The following NRXN1 variants were observed in gnomAD, a reference collection of about 807,000 sequenced individuals.
NRXN1 encodes neurexin-1.
Under a neutral mutation model 150.9 loss-of-function variants are expected in NRXN1, and 39 were observed. That is an observed-to-expected ratio of 0.26 (90% CI 0.20 to 0.34). The LOEUF (loss-of-function observed/expected upper bound fraction) is 0.34, where lower values mean the gene tolerates loss of function less well. NRXN1 is among the 10% of genes least tolerant of loss of function. The probability of loss-of-function intolerance (pLI) is 1.00; values close to 1 mark genes in which losing one functional copy is unlikely to be tolerated. For synonymous variants in NRXN1, 924 were observed against 757.0 expected (o/e 1.22, Z -3.62); for missense variants, 1,815 against 1,949.9 (o/e 0.93, Z 1.30).
chr2:50,397,869 G>C (rs758635870), intron 17 of NRXN1, among the ~76,000 whole-genome samples: 1 of 152,112 alleles, frequency 6.6e-6, no homozygotes, highest in Non-Finnish European at 1.5e-5. Context: ...TATTTAAAAA[G>C]TCACATTCTA....
chr2:50,214,489 G>C (rs1343205004), intron 18 of NRXN1, among the ~76,000 whole-genome samples: 1 of 151,880 alleles, frequency 6.6e-6, no homozygotes, highest in Non-Finnish European at 1.5e-5. Flanking sequence ...TCCAGGTAGA[G>C]ACTGATGTCA....
chr2:50,769,617 T>C (rs1702771751), intron 5 of NRXN1, among the ~76,000 whole-genome samples: 1 of 152,056 alleles, frequency 6.6e-6, no homozygotes, highest in African/African-American at 2.4e-5. Context: ...CGGGACCCGT[T>C]GCCTGGAAAC....
chr2:49,918,685 A>T lies in NRXN1; in HGVS notation c.*3259T>A, dbSNP rs1431812136. ...TAACAAAAGTACATTTAATGGCTAC[A>T]TCTTTAAGTGTATGAATATAGAGGT... On this transcript the variant is annotated 3_prime_UTR_variant, in exon 23 of 23. Transcript: ENST00000401669. 6.6e-6 allele frequency: 1 copy of T among 152,168 alleles called. No homozygotes were observed. 9.4% of individuals were successfully genotyped at this position (152,168 alleles called of 1,614,324 possible).
chr2:50,477,845 G>A (rs2090114696), intron 15 of NRXN1, among the ~76,000 whole-genome samples: 1 of 152,170 alleles, frequency 6.6e-6, no homozygotes, highest in South Asian at 2.1e-4. Context: ...ACTAGAGAAA[G>A]TGCAATTCTA....
intron 5 of NRXN1, among the ~76,000 whole-genome samples, chr2:50,895,887 G>A (rs934877748): frequency 6.6e-6 from 1 of 151,774 alleles, no homozygotes; most frequent in Non-Finnish European, 1.5e-5. Flanking sequence ...GCCTATGCAA[G>A]AAATTTTATG....
chr2:50,188,757 T>C (rs1378306784), intron 18 of NRXN1, among the ~76,000 whole-genome samples: 1 of 151,804 alleles, frequency 6.6e-6, no homozygotes, highest in Non-Finnish European at 1.5e-5. Flanking sequence ...CCAACAAACA[T>C]ATTTTAAAAA....
At chr2:50,321,299 G>A (rs899279010) in intron 17 of NRXN1, among the ~76,000 whole-genome samples, 16 of 152,152 alleles carry the variant, frequency 1.1e-4, no homozygotes, top group Non-Finnish European at 2.9e-5. Context: ...CCAACACATT[G>A]TCTGTATTCC....
chr2:50,568,929 A>G (rs1294766198), intron 8 of NRXN1, among the ~76,000 whole-genome samples: 1 of 152,146 alleles, frequency 6.6e-6, no homozygotes, highest in South Asian at 2.1e-4. Flanking sequence ...AGGAAAATGT[A>G]GTATATATAC....
intron 17 of NRXN1, among the ~76,000 whole-genome samples, chr2:50,381,500 C>T (rs867860047): frequency 6.9e-6 from 1 of 144,284 alleles, no homozygotes; most frequent in African/African-American, 2.6e-5. Context: ...AGTGAGAAGT[C>T]TAAAGGGGAC....
intron 17 of NRXN1, among the ~76,000 whole-genome samples, chr2:50,399,260 C>T (rs954997970): frequency 2.0e-5 from 3 of 152,050 alleles, no homozygotes; most frequent in African/African-American, 7.2e-5. Flanking sequence ...ATATATTTCC[C>T]ATTATTAAAC....
At chr2:50,263,499 T>C (rs190285006) in intron 17 of NRXN1, among the ~76,000 whole-genome samples, 4 of 152,168 alleles carry the variant, frequency 2.6e-5, no homozygotes, top group African/African-American at 9.6e-5. Flanking sequence ...ACAATTCTGA[T>C]TGGGATCATT....
intron 5 of NRXN1, among the ~76,000 whole-genome samples, chr2:50,667,226 C>A (rs949147213): frequency 6.6e-6 from 1 of 151,732 alleles, no homozygotes; most frequent in Non-Finnish European, 1.5e-5. Context: ...TCTGATGATG[C>A]ATCTTAATTG....
intron 5 of NRXN1, among the ~76,000 whole-genome samples, chr2:50,732,496 T>A (rs928389308): frequency 1.3e-5 from 2 of 152,156 alleles, no homozygotes; most frequent in Admixed American, 1.3e-4. Flanking sequence ...GAATGAAACA[T>A]CAGGTATTTA....
intron 19 of NRXN1, among the ~76,000 whole-genome samples, chr2:50,089,980 T>C (rs1699348009): frequency 6.6e-6 from 1 of 152,204 alleles, no homozygotes; most frequent in Non-Finnish European, 1.5e-5. Flanking sequence ...AGTGTAAAAT[T>C]GTGGTAATTC....
intron 8 of NRXN1, among the ~76,000 whole-genome samples, chr2:50,608,249 C>G (rs752362470): frequency 9.9e-5 from 15 of 152,184 alleles, no homozygotes; most frequent in Non-Finnish European, 1.9e-4. Context: ...TGCACCAATA[C>G]TGCCAATGAT....
At chr2:50,068,704 A>T (rs1394050700) in intron 19 of NRXN1, among the ~76,000 whole-genome samples, 1 of 152,206 alleles carries the variant, frequency 6.6e-6, no homozygotes, top group African/African-American at 2.4e-5. Flanking sequence ...TAGTCATGTC[A>T]TTGTTTATTC....
rs376857718 is a variant in NRXN1 at position 50,940,746 on chromosome 2, T to G, written c.773-14791A>C. 4.8e-4 allele frequency among the ~76,000 whole-genome samples: 73 copies of G among 152,314 alleles called. 2 individuals carry two copies. The South Asian group carries it at 0.011, about 22-fold the overall frequency. On this transcript the variant is annotated intron_variant, in intron 2 of 22. Transcript: ENST00000401669. The stretch of plus-strand genomic sequence containing the variant: ...AAACTGGAATTCTAAGGTTTGGTTT[T>G]GTTTTGTTTTGCTAATAGACTCCTG...
At chr2:50,211,292 CAT>C (rs2062996093) in intron 18 of NRXN1, among the ~76,000 whole-genome samples, 1 of 151,648 alleles carries the variant, frequency 6.6e-6, no homozygotes, top group South Asian at 2.1e-4. Context: ...TACACATATA[CAT>C]ATGTTATATT....
chr2:50,099,343 A>G (rs894891976), intron 18 of NRXN1, among the ~76,000 whole-genome samples: 2 of 143,092 alleles, frequency 1.4e-5, no homozygotes, highest in African/African-American at 5.3e-5. Context: ...GCAAATTTCC[A>G]ATATTCTTTC....
Sources: allele counts gnomAD v4.1 joint callset (sites outside exome capture counted in the v4.1 genomes callset), GRCh38; gene constraint gnomAD v4.1.1; transcripts MANE v1.5; gene names NCBI Gene and HGNC (gene_info 2026-07-23, HGNC 2026-07-21).